The following FRAS1 variants were observed in gnomAD, a reference collection of about 807,000 sequenced individuals.
The protein encoded by FRAS1 is Fraser extracellular matrix complex subunit 1, also known as extracellular matrix organizing protein FRAS1.
A neutral mutation model predicts 435.2 loss-of-function variants in FRAS1; 290 were observed. The ratio of observed to expected loss-of-function variants is 0.67; its 90% CI spans 0.61 to 0.73. The LOEUF (loss-of-function observed/expected upper bound fraction) is 0.73. Ranked by LOEUF, FRAS1 falls within the 30% of genes least tolerant of loss-of-function variation. FRAS1 has a pLI of 0.00. For missense variants in FRAS1, 4,860 were observed against 5,001.5 expected, an observed-to-expected ratio of 0.97 and a Z score of 0.85; for synonymous variants, 1,800 against 1,851.0, an observed-to-expected ratio of 0.97 and a Z score of 0.71.
chr4:78,499,618 A>G (rs893738572), intron 60 of FRAS1, 103 bp from the exon 61 acceptor site: 1 of 1,097,944 alleles, frequency 9.1e-7, no homozygotes, highest in African/African-American at 1.6e-5. Context: ...ACTGTTAACT[A>G]ATGTGAACAA....
At chr4:78,482,719 A>G (rs1720051059) in intron 58 of FRAS1, among the ~76,000 whole-genome samples, 184 bp downstream of exon 58, 2 of 152,196 alleles carry the variant, frequency 1.3e-5, no homozygotes, top group Admixed American at 6.5e-5. Context: ...AGAACCATTG[A>G]TGTCTCCGGT....
rs554047449 is a variant in FRAS1 at position 78,319,993 on chromosome 4, G to A, written c.2137+1007G>A. Among the ~76,000 whole-genome samples, 4 of 152,334 alleles carry A rather than the reference G, an allele frequency of 2.6e-5. No individual in the cohort carries two copies. The South Asian group carries it at 8.3e-4, about 32-fold the overall frequency. On this transcript the variant is annotated intron_variant, in intron 18 of 73. Transcript: ENST00000512123. The stretch of plus-strand genomic sequence containing the variant: ...GGCTGACATGTAGCCTTTTTGCTAG[G>A]CTCAAAGATGGTTAAGAGTGTCAAA...
At chr4:78,209,707 C>T (rs993253596) in intron 2 of FRAS1, among the ~76,000 whole-genome samples, 1 of 152,156 alleles carries the variant, frequency 6.6e-6, no homozygotes, top group African/African-American at 2.4e-5. Context: ...CTTAAACTGT[C>T]AGGATCTCCC....
chr4:78,075,921 G>A (rs1740615594), intron 2 of FRAS1, among the ~76,000 whole-genome samples: 1 of 152,042 alleles, frequency 6.6e-6, no homozygotes, highest in African/African-American at 2.4e-5. Context: ...CACTGAGAAG[G>A]GATTTTAAAA....
At chr4:78,153,192 C>G (rs1335955777) in intron 2 of FRAS1, among the ~76,000 whole-genome samples, 1 of 152,100 alleles carries the variant, frequency 6.6e-6, no homozygotes, top group East Asian at 1.9e-4. Flanking sequence ...AGCCTTCCAG[C>G]CTTCATTCCC....
chr4:78,301,584 T>G (rs1728397804), intron 14 of FRAS1, among the ~76,000 whole-genome samples: 1 of 152,178 alleles, frequency 6.6e-6, no homozygotes, highest in South Asian at 2.1e-4. Context: ...AGGTTGAATC[T>G]GGGACTAGAG....
intron 34 of FRAS1, among the ~76,000 whole-genome samples, chr4:78,424,078 A>G (rs752442104): frequency 6.6e-6 from 1 of 152,208 alleles, no homozygotes; most frequent in Non-Finnish European, 1.5e-5. Context: ...ACTCACCCGC[A>G]TTCACCGATT....
At chr4:78,406,845 A>G (rs1733117258) in intron 30 of FRAS1, among the ~76,000 whole-genome samples, 1 of 152,210 alleles carries the variant, frequency 6.6e-6, no homozygotes, top group Non-Finnish European at 1.5e-5. Context: ...GTTAGCTATT[A>G]CAAGTTGAGC....
At chr4:78,373,700 G>C (rs1025069533) in intron 24 of FRAS1, among the ~76,000 whole-genome samples, 7 of 151,832 alleles carry the variant, frequency 4.6e-5, no homozygotes, top group Non-Finnish European at 1.0e-4. Flanking sequence ...GCTTGAACCC[G>C]GGAGGCAGAG....
chr4:78,181,090 C>T (rs1315506727), intron 2 of FRAS1: 68 of 1,559,244 alleles, frequency 4.4e-5, no homozygotes, highest in Non-Finnish European at 5.7e-5. Context: ...GAATCCTCAG[C>T]ATAAGCCTCT....
intron 9 of FRAS1, among the ~76,000 whole-genome samples, chr4:78,270,846 T>A (rs1303221822): frequency 6.6e-6 from 1 of 152,156 alleles, no homozygotes; most frequent in African/African-American, 2.4e-5. Context: ...TGTAAATGCA[T>A]CTGCTTTCTA....
intron 2 of FRAS1, among the ~76,000 whole-genome samples, chr4:78,145,856 TAGTA>T (rs1720398366): frequency 6.6e-6 from 1 of 152,164 alleles, no homozygotes; most frequent in African/African-American, 2.4e-5. Flanking sequence ...GTTCTTGTGA[TAGTA>T]AGTGAGTTCT....
At chr4:78,150,144 C>G (rs879470911) in intron 2 of FRAS1, among the ~76,000 whole-genome samples, 4 of 152,222 alleles carry the variant, frequency 2.6e-5, no homozygotes, top group Non-Finnish European at 5.9e-5. Flanking sequence ...CCTGTTTTCT[C>G]AGGCAGGAGG....
intron 18 of FRAS1, among the ~76,000 whole-genome samples, chr4:78,327,323 G>T (rs896457598): frequency 3.3e-5 from 5 of 152,106 alleles, no homozygotes; most frequent in Non-Finnish European, 5.9e-5. Context: ...AGAGGATTTT[G>T]ATATCTACAT....
chr4:78,508,529 C>A (rs929055143), intron 62 of FRAS1, among the ~76,000 whole-genome samples: 1 of 152,168 alleles, frequency 6.6e-6, no homozygotes, highest in African/African-American at 2.4e-5. Context: ...TCTAGCCCAA[C>A]CAGTAGAAGA....
intron 20 of FRAS1, among the ~76,000 whole-genome samples, chr4:78,345,048 G>A (rs1249681682): frequency 6.6e-6 from 1 of 152,064 alleles, no homozygotes. Context: ...TTGTGTTTGG[G>A]TAACTTAATT....
chr4:78,314,602 C>G (rs758755290), intron 15 of FRAS1, among the ~76,000 whole-genome samples: 8 of 152,180 alleles, frequency 5.3e-5, no homozygotes, highest in Non-Finnish European at 1.0e-4. Flanking sequence ...ATCTCATTGC[C>G]TTTCCTAGGA....
At chr4:78,465,121 C>T (rs1249339772) in intron 49 of FRAS1, among the ~76,000 whole-genome samples, 1 of 152,304 alleles carries the variant, frequency 6.6e-6, no homozygotes, top group African/African-American at 2.4e-5. Context: ...TGACTTAGCT[C>T]ACATAAACTC....
At chr4:78,450,100 G>A (rs188559845) in intron 44 of FRAS1, 51 bp from the exon 45 acceptor site, 405 of 1,461,710 alleles carry the variant, frequency 2.8e-4, no homozygotes, top group Non-Finnish European at 3.5e-4. Flanking sequence ...TTGACATCCC[G>A]TTCAAAGGAA....
Sources: gnomAD v4.1 joint callset for allele counts (sites outside exome capture counted in the v4.1 genomes callset) on GRCh38, gnomAD v4.1.1 for gene constraint, MANE v1.5 for transcripts, NCBI Gene and HGNC (gene_info 2026-07-23, HGNC 2026-07-21) for gene names.